ARHGAP28: variants seen among roughly 807,000 people sequenced by gnomAD.
ARHGAP28 encodes rho GTPase-activating protein 28.
In ARHGAP28, 56 loss-of-function variants were observed where a neutral mutation model predicts 90.7. That is an observed-to-expected ratio of 0.62 (90% CI 0.50 to 0.77). The LOEUF (loss-of-function observed/expected upper bound fraction) is 0.77. Ranked by LOEUF, ARHGAP28 falls within the 30% of genes least tolerant of loss-of-function variation. The pLI is 0.00. For synonymous variants in ARHGAP28, 308 were observed against 323.3 expected, an observed-to-expected ratio of 0.95 and a Z score of 0.51; for missense variants, 869 against 900.9, an observed-to-expected ratio of 0.96 and a Z score of 0.45.
At chr18:6,737,240 A>C (rs940968255) in intron 1 of ARHGAP28, among the ~76,000 whole-genome samples, 2 of 152,180 alleles carry the variant, frequency 1.3e-5, no homozygotes, top group African/African-American at 4.8e-5. Flanking sequence ...GCATACCCTT[A>C]AATAGTGTTA....
intron 2 of ARHGAP28, chr18:6,834,386 G>C (rs556189196): frequency 1.1e-4 from 17 of 152,092 alleles, no homozygotes; most frequent in Non-Finnish European, 2.4e-4. Context: ...TCTGAAAGAT[G>C]GGTGGCCAGT....
intron 4 of ARHGAP28, among the ~76,000 whole-genome samples, chr18:6,852,159 AAC>A (rs2056915900): frequency 6.6e-6 from 1 of 152,232 alleles, no homozygotes; most frequent in Admixed American, 6.5e-5. Flanking sequence ...ACTTACAATA[AAC>A]AGTCTATTTG....
In ARHGAP28 at chr18:6,870,579, T is replaced by G. The variant is rs141139106; in HGVS notation, c.812-11T>G. On this transcript the variant is annotated splice_polypyrimidine_tract_variant and intron_variant, in intron 6 of 17. Transcript: ENST00000383472. ...ATATTAAATAGTCTGTATTCTTTGTTTTGTCTTTAGATGATGATTTTCTGG... is the reference window on the plus strand; with the variant it reads ...ATATTAAATAGTCTGTATTCTTTGTGTTGTCTTTAGATGATGATTTTCTGG... 6.2e-7 allele frequency: 1 copy of G among 1,600,492 alleles called. No homozygotes were observed. Among genetic ancestry groups the G allele is most frequent in the Non-Finnish European group, 8.5e-7 (1 of 1,172,258 alleles).
At chr18:6,910,637 CTTGGTCT>C (rs1452558661) in intron 17 of ARHGAP28, among the ~76,000 whole-genome samples, 1 of 151,992 alleles carries the variant, frequency 6.6e-6, no homozygotes, top group African/African-American at 2.4e-5. Flanking sequence ...GCCTTCCATG[CTTGGTCT>C]TTCTCTCATG....
intron 7 of ARHGAP28, among the ~76,000 whole-genome samples, chr18:6,872,878 T>G (rs2143545164): frequency 6.6e-6 from 1 of 152,332 alleles, no homozygotes; most frequent in South Asian, 2.1e-4. Flanking sequence ...GTAGAATAAC[T>G]GTTGTCTCAG....
At chr18:6,793,176 G>A (rs558850732) in intron 1 of ARHGAP28, among the ~76,000 whole-genome samples, 4 of 152,206 alleles carry the variant, frequency 2.6e-5, no homozygotes, top group East Asian at 1.9e-4. Flanking sequence ...ACACACTTAC[G>A]AGACACAATA....
chr18:6,885,343 G>C (rs1429351972), intron 11 of ARHGAP28, among the ~76,000 whole-genome samples: 3 of 152,168 alleles, frequency 2.0e-5, no homozygotes, highest in South Asian at 4.1e-4. Flanking sequence ...GTTGTAACAA[G>C]ATTCTCTGAA....
At chr18:6,804,412 T>C (rs1233006080) in intron 1 of ARHGAP28, among the ~76,000 whole-genome samples, 6 of 152,256 alleles carry the variant, frequency 3.9e-5, no homozygotes, top group African/African-American at 1.4e-4. Flanking sequence ...TATTCTTTTT[T>C]TTTCTGTTTT....
At chr18:6,904,566 C>A (rs547858684) in intron 16 of ARHGAP28, among the ~76,000 whole-genome samples, 1 of 151,834 alleles carries the variant, frequency 6.6e-6, no homozygotes, top group Admixed American at 6.6e-5. Context: ...AAAATATACC[C>A]GAAGGAACAA....
chr18:6,897,459 G>T (rs1255882791), intron 16 of ARHGAP28: 1 of 152,074 alleles, frequency 6.6e-6, no homozygotes, highest in Non-Finnish European at 1.5e-5. Flanking sequence ...ACCTTAAAGG[G>T]GCGCAGATCA....
chr18:6,870,668 C>T lies in ARHGAP28; in HGVS notation c.890C>T (p.Thr297Met), dbSNP rs765768815. 2.4e-5 allele frequency: 38 copies of T among 1,611,966 alleles called. No homozygotes were observed. In the Admixed American group the frequency reaches 2.5e-4, roughly 11 times the overall value. Residue 297 changes from threonine to methionine, a missense_variant, in exon 7 of 18, where the codon ACG becomes ATG. Thr to Met is a moderately conservative substitution (Grantham distance 81, BLOSUM62 -1). Transcript: ENST00000383472. ...SFEVSYSEMVTEALKRNKLKK... is the reference protein window; with the variant it reads ...SFEVSYSEMVMEALKRNKLKK... Reference sequence around the variant, plus strand: ...GAAGTGTCTTATTCAGAAATGGTTACGGAGGCTCTAAAAAGAAATAAACTT... The same window carrying T: ...GAAGTGTCTTATTCAGAAATGGTTATGGAGGCTCTAAAAAGAAATAAACTT...
At chr18:6,863,095 G>A (rs943454777) in intron 5 of ARHGAP28, among the ~76,000 whole-genome samples, 11 of 151,920 alleles carry the variant, frequency 7.2e-5, no homozygotes, top group African/African-American at 2.7e-4. Context: ...TATTGACTCA[G>A]TATGTAAAAT....
intron 2 of ARHGAP28, among the ~76,000 whole-genome samples, chr18:6,830,644 A>G (rs193271306): frequency 6.6e-5 from 10 of 152,350 alleles, no homozygotes; most frequent in Admixed American, 1.3e-4. Flanking sequence ...TGCAAAGGAC[A>G]TGAACTCATC....
At chr18:6,843,477 C>T (rs1001092397) in intron 3 of ARHGAP28, among the ~76,000 whole-genome samples, 1 of 152,174 alleles carries the variant, frequency 6.6e-6, no homozygotes, top group Non-Finnish European at 1.5e-5. Context: ...TGCCTTTTTA[C>T]AGGCTGAGGT....
intron 2 of ARHGAP28, among the ~76,000 whole-genome samples, chr18:6,826,117 G>GTTTTTTTTTTTTTTT (rs35995654): frequency 2.2e-5 from 3 of 138,506 alleles, no homozygotes; most frequent in African/African-American, 2.7e-5. Context: ...CATTGCCAGT[G>GTTTTTTTTTTTTTTT]TTTTTTTTTT....
At chr18:6,839,442 A>C (rs9957353) in intron 3 of ARHGAP28, among the ~76,000 whole-genome samples, 22,246 of 151,856 alleles carry the variant, frequency 0.15, 2,736 homozygotes, top group African/African-American at 0.34. Context: ...TATAGGCGCC[A>C]GCCACCACGC....
rs766010791 is a variant in ARHGAP28 at position 6,912,095 on chromosome 18, G to A, written c.2131G>A (p.Asp711Asn). Residue 711 changes from aspartate (D) to asparagine (N), a missense_variant, in exon 18 of 18, where the codon GAT becomes AAT. Physicochemically the swap from Asp to Asn is conservative, Grantham distance 23. Coordinates refer to ENST00000383472, the MANE Select transcript of ARHGAP28 (RefSeq NM_001366230.1). ...HCLDPDAYIL[D>N]VYRINPQAEW... The stretch of plus-strand genomic sequence containing the variant: ...CTTGGATCCAGATGCTTATATATTG[G>A]ATGTATATCGTATAAATCCTCAAGC... The A allele has an allele frequency of 1.9e-6, 3 of 1,608,286 alleles. No homozygotes were observed. Among genetic ancestry groups the A allele is most frequent in the East Asian group, 2.2e-5 (1 of 44,798 alleles).
At chr18:6,827,683 C>T (rs1311883743) in intron 2 of ARHGAP28, among the ~76,000 whole-genome samples, 1 of 151,224 alleles carries the variant, frequency 6.6e-6, no homozygotes, top group African/African-American at 2.4e-5. Flanking sequence ...GCTGGCTGGG[C>T]GGAGACGCTT....
intron 2 of ARHGAP28, 81 bp from the exon 3 acceptor site, chr18:6,837,116 A>G (rs775204606): frequency 4.0e-6 from 4 of 1,003,292 alleles, no homozygotes; most frequent in Non-Finnish European, 5.8e-6. Context: ...ATTATTTACC[A>G]ATACTTCTTG....
Sources: gnomAD v4.1 joint callset for allele counts (sites outside exome capture counted in the v4.1 genomes callset) on GRCh38, gnomAD v4.1.1 for gene constraint, MANE v1.5 for transcripts, NCBI Gene and HGNC (gene_info 2026-07-23, HGNC 2026-07-21) for gene names.